AMMECR1L: variants seen among roughly 807,000 people sequenced by gnomAD.
The protein encoded by AMMECR1L is AMMECR1 like.
Under a neutral mutation model 36.8 loss-of-function variants are expected in AMMECR1L, and 4 were observed. The observed-to-expected ratio is 0.11, with a 90% CI of 0.05 to 0.25. The LOEUF is 0.25. AMMECR1L is among the 10% of genes least tolerant of loss of function. AMMECR1L has a pLI of 1.00. For synonymous variants in AMMECR1L, 147 were observed against 148.0 expected (o/e 0.99, Z 0.05); for missense variants, 232 against 392.1 (o/e 0.59, Z 3.45).
intron 1 of AMMECR1L, 157 bp downstream of exon 1, chr2:127,885,653 C>G (rs1691743506): frequency 1.0e-6 from 1 of 984,340 alleles, no homozygotes; most frequent in Non-Finnish European, 1.2e-6. Context: ...TCCTCCCCCC[C>G]GCTGCCCCCG....
chr2:127,871,220 C>T lies in AMMECR1L; in HGVS notation c.518+29G>A. The T allele has an allele frequency of 6.2e-7, 1 of 1,605,264 alleles. No homozygotes were observed. ...CTATTTCTGATTCTAGCCAATTTAT[C>T]TACAGTTCTTAATGTCTGGTGTCAT... On this transcript the variant is annotated intron_variant, in intron 4 of 7. Transcript: ENST00000272647. This position sits in a 1 kb window ranked among gnomAD's most constrained non-coding sequence, Gnocchi z 4.3.
At position 127,865,690 on chromosome 2, in the gene AMMECR1L, T is replaced by G. The variant is rs1480333379; in HGVS notation, c.822-485A>C. On this transcript the variant is annotated intron_variant, in intron 7 of 7. Transcript: ENST00000272647. This position sits in a 1 kb window ranked among gnomAD's most constrained non-coding sequence, Gnocchi z 5.4. ...TAAAAGGGACACAGATACCTAATTC[T>G]GGGTCAAAGTCTGCTGAAGCAGGTT... Among the ~76,000 whole-genome samples, 1 of 152,244 alleles carries G rather than the reference T, an allele frequency of 6.6e-6. No individual in the cohort carries two copies. Among genetic ancestry groups the G allele is most frequent in the Non-Finnish European group, 1.5e-5 (1 of 68,040 alleles).
In AMMECR1L at chr2:127,865,357, C is replaced by T; in HGVS notation, c.822-152G>A. 3.8e-6 allele frequency: 2 copies of T among 531,454 alleles called. No individual in the cohort carries two copies. The highest frequency in any genetic ancestry group is 3.4e-6 in the Non-Finnish European group (1 of 297,528). 32.9% of individuals were successfully genotyped at this position (531,454 alleles called of 1,614,324 possible). ...CTTACTTACAGAAAATGAAAGACAG[C>T]ACAAGAAAACAATGTTGTTATTACA... On this transcript the variant is annotated intron_variant, in intron 7 of 7. Coordinates refer to ENST00000272647, the MANE Select transcript of AMMECR1L (RefSeq NM_001199140.2). This position sits in a 1 kb window ranked among gnomAD's most constrained non-coding sequence, Gnocchi z 5.4.
At position 127,869,120 on chromosome 2, in the gene AMMECR1L, C is replaced by T. The variant is rs185418737; in HGVS notation, c.724+334G>A. ...TTTGTGATCCAAAGTTCGGTACCTACTGAATTCTACAATATGGTCAGGTTG... is the reference window on the plus strand; with the variant it reads ...TTTGTGATCCAAAGTTCGGTACCTATTGAATTCTACAATATGGTCAGGTTG... On this transcript the variant is annotated intron_variant, in intron 6 of 7. Coordinates refer to ENST00000272647, the MANE Select transcript of AMMECR1L (RefSeq NM_001199140.2). This position sits in a 1 kb window ranked among gnomAD's most constrained non-coding sequence, Gnocchi z 4.7. 2.0e-5 allele frequency among the ~76,000 whole-genome samples: 3 copies of T among 152,308 alleles called. 1 individual carries two copies. The highest frequency in any genetic ancestry group is 4.8e-5 in the African/African-American group (2 of 41,562).
rs1690486726 is a variant in AMMECR1L at position 127,861,965 on chromosome 2, A to G, written c.*3129T>C. 1 of 152,676 alleles carries G rather than the reference A, an allele frequency of 6.5e-6. No homozygotes were observed. The highest frequency in any genetic ancestry group is 1.5e-5 in the Non-Finnish European group (1 of 68,044). 9.5% of individuals were successfully genotyped at this position (152,676 alleles called of 1,614,324 possible). A position where few individuals can be genotyped will look rare whatever the true frequency, so the allele number is the denominator to read the frequency against. On this transcript the variant is annotated 3_prime_UTR_variant, in exon 8 of 8. Coordinates refer to ENST00000272647, the MANE Select transcript of AMMECR1L (RefSeq NM_001199140.2). ...GATGATTTTTATTATAAACAATAAAATATATGTAATGTCTCAACTACAAAC... is the reference window on the plus strand; with the variant it reads ...GATGATTTTTATTATAAACAATAAAGTATATGTAATGTCTCAACTACAAAC...
Position 127,864,859 on chromosome 2 carries a change from C to T in AMMECR1L, c.*235G>A, listed in dbSNP as rs981207156. ...TAGTCATGGAGGAGCCCCAATCCAACGGAACCCCATATTGAGGAAAGGCTG... is the reference window on the plus strand; with the variant it reads ...TAGTCATGGAGGAGCCCCAATCCAATGGAACCCCATATTGAGGAAAGGCTG... On this transcript the variant is annotated 3_prime_UTR_variant, in exon 8 of 8. Coordinates refer to ENST00000272647, the MANE Select transcript of AMMECR1L (RefSeq NM_001199140.2). The T allele has an allele frequency of 1.2e-5, 4 of 344,962 alleles. No homozygotes were observed. Among genetic ancestry groups the T allele is most frequent in the South Asian group, 4.9e-5 (1 of 20,586 alleles). 21.4% of individuals were successfully genotyped at this position (344,962 alleles called of 1,614,324 possible).
intron 2 of AMMECR1L, among the ~76,000 whole-genome samples, chr2:127,877,568 TC>T (rs1345022585): frequency 6.6e-6 from 1 of 152,108 alleles, no homozygotes. Context: ...ACTCCTGACT[TC>T]AGGTGATCTG....
intron 2 of AMMECR1L, among the ~76,000 whole-genome samples, chr2:127,880,677 A>G (rs1691452746): frequency 6.6e-6 from 1 of 152,002 alleles, no homozygotes; most frequent in Admixed American, 6.6e-5. Context: ...TAAAAATTTC[A>G]GCCAGCACTG....
intron 2 of AMMECR1L, among the ~76,000 whole-genome samples, chr2:127,881,328 A>G (rs557719120): frequency 6.7e-6 from 1 of 149,522 alleles, no homozygotes; most frequent in East Asian, 2.0e-4. Flanking sequence ...TGAGACTGCT[A>G]TTGACACAAA....
rs1690508353 is a variant in AMMECR1L at position 127,862,480 on chromosome 2, T to C, written c.*2614A>G. The C allele has an allele frequency of 6.5e-6, 1 of 153,750 alleles. No individual in the cohort carries two copies. Among genetic ancestry groups the C allele is most frequent in the African/African-American group, 2.4e-5 (1 of 41,464 alleles). The allele number at this position is 153,750 out of a possible 1,614,324, so 9.5% of individuals were successfully genotyped here. ...TGCCACATGGATGATCCAGACTTGG[T>C]ATTTTTCCTGAGAGCCACCTGCTAC... On this transcript the variant is annotated 3_prime_UTR_variant, in exon 8 of 8. Transcript: ENST00000272647.
intron 6 of AMMECR1L, among the ~76,000 whole-genome samples, chr2:127,868,727 GAGT>G (rs1690819221): frequency 6.6e-6 from 1 of 151,356 alleles, no homozygotes; most frequent in Non-Finnish European, 1.5e-5. Context: ...ATAGGCTACT[GAGT>G]TTTTTTTTTT....
chr2:127,879,949 T>C (rs146085229), intron 2 of AMMECR1L, among the ~76,000 whole-genome samples: 4 of 152,334 alleles, frequency 2.6e-5, no homozygotes, highest in Non-Finnish European at 4.4e-5. Context: ...CCAAACTTTA[T>C]AAAAACTACC....
chr2:127,875,344 A>T (rs1691176610), intron 2 of AMMECR1L, among the ~76,000 whole-genome samples: 1 of 151,980 alleles, frequency 6.6e-6, no homozygotes, highest in Non-Finnish European at 1.5e-5. Context: ...CTCTCAAGTC[A>T]TTGTATGTTA....
At chr2:127,868,838 C>T (rs1479365104) in intron 6 of AMMECR1L, among the ~76,000 whole-genome samples, 1 of 152,004 alleles carries the variant, frequency 6.6e-6, no homozygotes, top group Non-Finnish European at 1.5e-5. Context: ...GATTCTCCTG[C>T]CTCAGCCTCC....
In AMMECR1L at chr2:127,861,704, G is replaced by A. The variant is rs11681685; in HGVS notation, c.*3390C>T. 2 of 152,144 alleles carry A rather than the reference G, an allele frequency of 1.3e-5. No individual in the cohort carries two copies. The highest frequency in any genetic ancestry group is 4.8e-5 in the African/African-American group (2 of 41,438). 9.4% of individuals were successfully genotyped at this position (152,144 alleles called of 1,614,324 possible). On this transcript the variant is annotated 3_prime_UTR_variant, in exon 8 of 8. Transcript: ENST00000272647. ...ATGATTTGCACTCAGAAGTTATATA[G>A]CCAAGAGGCAACCAAGTGTAATACA...
intron 2 of AMMECR1L, among the ~76,000 whole-genome samples, chr2:127,878,929 T>C (rs930855250): frequency 2.6e-5 from 4 of 152,210 alleles, no homozygotes; most frequent in African/African-American, 9.6e-5. Context: ...TTCAAATCTA[T>C]GGGAAATTTC....
At position 127,862,864 on chromosome 2, in the gene AMMECR1L, CGATAA is replaced by C. The variant is rs912841396; in HGVS notation, c.*2225_*2229del. 4.7e-5 allele frequency: 7 copies of C among 147,452 alleles called. No homozygotes were observed. Among genetic ancestry groups the C allele is most frequent in the African/African-American group, 1.8e-4 (7 of 38,066 alleles). 9.1% of individuals were successfully genotyped at this position (147,452 alleles called of 1,614,324 possible). A position where few individuals can be genotyped will look rare whatever the true frequency, so the allele number is the denominator to read the frequency against. On this transcript the variant is annotated 3_prime_UTR_variant, in exon 8 of 8. Coordinates refer to ENST00000272647, the MANE Select transcript of AMMECR1L (RefSeq NM_001199140.2). ...AAATGGCAGGTATCGTACCCCCCCTCGATAAAATAAAATAAAATAAAATAAAATAA... is the reference window on the plus strand; with the variant it reads ...AAATGGCAGGTATCGTACCCCCCCTCAATAAAATAAAATAAAATAAAATAA...
In AMMECR1L at chr2:127,863,678, T is replaced by C. The variant is rs1690560971; in HGVS notation, c.*1416A>G. 1 of 152,692 alleles carries C rather than the reference T, an allele frequency of 6.5e-6. No homozygotes were observed. Among genetic ancestry groups the C allele is most frequent in the South Asian group, 2.1e-4 (1 of 4,832 alleles). 9.5% of individuals were successfully genotyped at this position (152,692 alleles called of 1,614,324 possible). ...CTCTAAGCATGTTGTTGAAAACCAG[T>C]GTCACATCCTTAGGATCCTTCTTCC... On this transcript the variant is annotated 3_prime_UTR_variant, in exon 8 of 8. Transcript: ENST00000272647.
In AMMECR1L at chr2:127,863,655, C is replaced by T. The variant is rs1690559621; in HGVS notation, c.*1439G>A. 1 of 152,696 alleles carries T rather than the reference C, an allele frequency of 6.5e-6. No homozygotes were observed. Among genetic ancestry groups the T allele is most frequent in the Non-Finnish European group, 1.5e-5 (1 of 68,048 alleles). The allele number at this position is 152,696 out of a possible 1,614,324, so 9.5% of individuals were successfully genotyped here. The stretch of plus-strand genomic sequence containing the variant: ...ACACCCAATCCACTTCATGAGTTCT[C>T]TAAGCATGTTGTTGAAAACCAGTGT... On this transcript the variant is annotated 3_prime_UTR_variant, in exon 8 of 8. Coordinates refer to ENST00000272647, the MANE Select transcript of AMMECR1L (RefSeq NM_001199140.2).
Sources: gnomAD v4.1 joint callset for allele counts (sites outside exome capture counted in the v4.1 genomes callset) on GRCh38, gnomAD v4.1.1 for gene constraint, Gnocchi (gnomAD v3.1) non-coding constraint, MANE v1.5 for transcripts, NCBI Gene and HGNC (gene_info 2026-07-23, HGNC 2026-07-21) for gene names.